Variants in NEBL observed in about 807,000 individuals in gnomAD.
NEBL encodes nebulette.
Under a neutral mutation model 140.2 loss-of-function variants are expected in NEBL, and 122 were observed. That is an observed-to-expected ratio of 0.87 (90% CI 0.75 to 1.01). The LOEUF is 1.01. Among genes scored for constraint, NEBL ranks in the 50% least tolerant of loss-of-function variants. The pLI, the probability that NEBL is intolerant of heterozygous loss-of-function variation, is 0.00. For missense variants in NEBL, 1,365 were observed against 1,231.3 expected (o/e 1.11, Z -1.62); for synonymous variants, 436 against 398.9 (o/e 1.09, Z -1.11).
intron 2 of NEBL, among the ~76,000 whole-genome samples, chr10:21,092,104 G>A (rs1222554594): frequency 6.6e-6 from 1 of 152,210 alleles, no homozygotes; most frequent in East Asian, 1.9e-4. Context: ...GAAGAGTTCT[G>A]TTCTCAATTC....
intron 2 of NEBL, chr10:21,069,827 A>C (rs1241977818): frequency 2.8e-6 from 1 of 362,174 alleles, no homozygotes; most frequent in Non-Finnish European, 5.5e-6. Context: ...ATCTAACTGT[A>C]TCTAATTATA....
At chr10:20,814,190 T>C (rs757208256) in intron 22 of NEBL, 147 bp from the exon 23 acceptor site, 10 of 670,876 alleles carry the variant, frequency 1.5e-5, no homozygotes, top group Middle Eastern at 2.4e-4. Context: ...TGTTCTAGAA[T>C]AGCAACCTAA....
chr10:20,840,671 GA>G (rs1471577988), intron 13 of NEBL, 67 bp downstream of exon 13: 8 of 1,077,520 alleles, frequency 7.4e-6, no homozygotes, highest in Non-Finnish European at 1.1e-5. Context: ...GAACCTTTGA[GA>G]AAGATTGACA....
chr10:21,256,044 G>C (rs1454208807), intron 1 of NEBL, among the ~76,000 whole-genome samples: 1 of 151,784 alleles, frequency 6.6e-6, no homozygotes, highest in Admixed American at 6.6e-5. Context: ...AAATTTTAAT[G>C]ATAAATTCAC....
intron 3 of NEBL, among the ~76,000 whole-genome samples, chr10:21,243,247 A>G (rs1842464672): frequency 6.6e-6 from 1 of 151,788 alleles, no homozygotes; most frequent in African/African-American, 2.4e-5. Flanking sequence ...CCGCAGGACC[A>G]AGCATGACCT....
chr10:21,027,310 AAC>A (rs938446661), intron 2 of NEBL, among the ~76,000 whole-genome samples: 12 of 145,044 alleles, frequency 8.3e-5, no homozygotes, highest in Non-Finnish European at 1.7e-4. Context: ...TTAAAAAAAA[AAC>A]AACAACTTTT....
intron 2 of NEBL, among the ~76,000 whole-genome samples, chr10:21,250,293 A>C (rs148596475): frequency 0.011 from 1,645 of 152,258 alleles, 32 homozygotes; most frequent in African/African-American, 0.038. Context: ...GCAGGCAGAA[A>C]AACATAAAAA....
At chr10:20,859,155 A>C (rs1056532363) in intron 8 of NEBL, among the ~76,000 whole-genome samples, 1 of 152,118 alleles carries the variant, frequency 6.6e-6, no homozygotes, top group African/African-American at 2.4e-5. Context: ...CTGTTTTTAT[A>C]CTCTAATTCT....
At chr10:20,868,502 T>C (rs1367440633) in intron 7 of NEBL, 162 bp downstream of exon 7, 1 of 641,346 alleles carries the variant, frequency 1.6e-6, no homozygotes, top group Non-Finnish European at 2.8e-6. Context: ...TTTCCTTTAC[T>C]GAAATTCATA....
At chr10:20,871,102 C>T (rs1372400670) in intron 5 of NEBL, among the ~76,000 whole-genome samples, 1 of 152,174 alleles carries the variant, frequency 6.6e-6, no homozygotes, top group African/African-American at 2.4e-5. Flanking sequence ...CATGGACATT[C>T]TTAAAACCCA....
chr10:21,043,868 T>G (rs55858607), intron 2 of NEBL, among the ~76,000 whole-genome samples: 1 of 152,208 alleles, frequency 6.6e-6, no homozygotes, highest in Non-Finnish European at 1.5e-5. Context: ...TTATAAAATT[T>G]AAAAAGTTGC....
chr10:21,134,257 A>C (rs1839245057), intron 2 of NEBL, among the ~76,000 whole-genome samples: 1 of 152,010 alleles, frequency 6.6e-6, no homozygotes, highest in Non-Finnish European at 1.5e-5. Flanking sequence ...AGTAGGTGCC[A>C]AATTTTCCAT....
intron 2 of NEBL, among the ~76,000 whole-genome samples, chr10:21,141,777 T>A (rs1347914199): frequency 6.6e-6 from 1 of 152,218 alleles, no homozygotes; most frequent in African/African-American, 2.4e-5. Context: ...ATCTTTCCTC[T>A]GCCTTGAACC....
intron 1 of NEBL, among the ~76,000 whole-genome samples, chr10:21,251,954 C>G (rs1032097990): frequency 5.9e-5 from 9 of 152,140 alleles, no homozygotes; most frequent in Non-Finnish European, 1.0e-4. Context: ...CTCTCCACTT[C>G]CCTCTCTCCC....
intron 3 of NEBL, among the ~76,000 whole-genome samples, chr10:21,010,614 A>T (rs1838301559): frequency 6.6e-6 from 1 of 152,096 alleles, no homozygotes; most frequent in Admixed American, 6.5e-5. Flanking sequence ...TCAAAAAAAA[A>T]TAAGAAAGCA....
intron 3 of NEBL, among the ~76,000 whole-genome samples, chr10:21,191,238 T>C (rs1311832947): frequency 6.6e-6 from 1 of 152,206 alleles, no homozygotes; most frequent in Non-Finnish European, 1.5e-5. Flanking sequence ...GAGCTTATGA[T>C]ATGCCAGCAG....
At chr10:21,232,182 G>A (rs1463056403) in intron 3 of NEBL, among the ~76,000 whole-genome samples, 6 of 151,860 alleles carry the variant, frequency 4.0e-5, no homozygotes, top group African/African-American at 7.3e-5. Flanking sequence ...GAGGAGGCAA[G>A]AAGAAGCATA....
intron 16 of NEBL, among the ~76,000 whole-genome samples, chr10:20,830,212 T>C (rs1840273244): frequency 6.6e-6 from 1 of 152,214 alleles, no homozygotes; most frequent in Non-Finnish European, 1.5e-5. Context: ...CTTGCTTATG[T>C]CTTAATCAGA....
In NEBL at chr10:21,094,138, C is replaced by A. The variant is rs151185013; in HGVS notation, c.165-73937G>T. 2.6e-3 allele frequency among the ~76,000 whole-genome samples: 402 copies of A among 152,222 alleles called. 1 individual carries two copies. Among genetic ancestry groups the A allele is most frequent in the African/African-American group, 9.1e-3 (377 of 41,528 alleles). On this transcript the variant is annotated intron_variant, in intron 2 of 6. Transcript: ENST00000417816. ...TTGGGAGGCTGAAGTGGGAGGATCA[C>A]TTGAGGTCAGGAGTTCAAGACCAGC...
Sources: gnomAD v4.1 joint callset for allele counts (sites outside exome capture counted in the v4.1 genomes callset) on GRCh38, gnomAD v4.1.1 for gene constraint, MANE v1.5 for transcripts, NCBI Gene and HGNC (gene_info 2026-07-23, HGNC 2026-07-21) for gene names.